Variants in CSMD3 observed in about 807,000 individuals in gnomAD.
CSMD3 encodes CUB and sushi domain-containing protein 3.
A neutral mutation model predicts 435.2 loss-of-function variants in CSMD3; 177 were observed. The observed-to-expected ratio is 0.41, with a 90% CI of 0.36 to 0.46. The LOEUF (loss-of-function observed/expected upper bound fraction) is 0.46. Among genes scored for constraint, CSMD3 ranks in the 20% least tolerant of loss-of-function variants. The pLI is 0.34. For synonymous variants in CSMD3, 1,656 were observed against 1,520.5 expected (o/e 1.09, Z -2.07); for missense variants, 4,265 against 4,504.6 (o/e 0.95, Z 1.52).
At chr8:113,019,288 T>C in intron 5 of CSMD3, 109 bp from the exon 6 acceptor site, 4 of 739,540 alleles carry the variant, frequency 5.4e-6, no homozygotes, top group East Asian at 2.6e-5. Flanking sequence ...GACTTTGCAC[T>C]GTCAACTTTT....
chr8:112,716,933 G>T (rs887204574), intron 13 of CSMD3, among the ~76,000 whole-genome samples: 2 of 152,070 alleles, frequency 1.3e-5, no homozygotes, highest in African/African-American at 2.4e-5. Flanking sequence ...ACTTAAGATG[G>T]ATTAAAGACT....
chr8:113,341,568 G>A (rs2094118922), intron 1 of CSMD3, among the ~76,000 whole-genome samples: 1 of 152,002 alleles, frequency 6.6e-6, no homozygotes, highest in South Asian at 2.1e-4. Context: ...CCATAAACAA[G>A]TAGTTTATAA....
At chr8:112,826,114 C>T (rs903245283) in intron 12 of CSMD3, among the ~76,000 whole-genome samples, 4 of 152,252 alleles carry the variant, frequency 2.6e-5, no homozygotes, top group Admixed American at 1.3e-4. Flanking sequence ...GGCACTCTGG[C>T]CACAGTCTGC....
At chr8:113,317,859 A>T (rs181957646) in intron 1 of CSMD3, among the ~76,000 whole-genome samples, 35 of 152,094 alleles carry the variant, frequency 2.3e-4, no homozygotes, top group Middle Eastern at 6.8e-3. Flanking sequence ...TATCTATTTT[A>T]AAAAAATCAC....
At chr8:112,924,756 G>A (rs1278693999) in intron 9 of CSMD3, among the ~76,000 whole-genome samples, 2 of 151,944 alleles carry the variant, frequency 1.3e-5, no homozygotes, top group East Asian at 1.9e-4. Flanking sequence ...TAATACACTG[G>A]GAAAAGTAGT....
chr8:112,772,886 T>C (rs759626903), intron 13 of CSMD3, among the ~76,000 whole-genome samples: 2 of 152,070 alleles, frequency 1.3e-5, no homozygotes, highest in Non-Finnish European at 2.9e-5. Context: ...TTTGTTCACA[T>C]GTTTACCTGC....
intron 61 of CSMD3, among the ~76,000 whole-genome samples, chr8:112,256,910 T>C (rs985683159): frequency 3.3e-5 from 5 of 152,120 alleles, no homozygotes; most frequent in Non-Finnish European, 7.4e-5. Context: ...GTACAAGAGA[T>C]CGACCACAAC....
At chr8:113,120,522 A>G (rs1315893849) in intron 4 of CSMD3, among the ~76,000 whole-genome samples, 1 of 152,230 alleles carries the variant, frequency 6.6e-6, no homozygotes, top group Non-Finnish European at 1.5e-5. Context: ...GATTTATGCT[A>G]CAAATAAAAG....
intron 2 of CSMD3, among the ~76,000 whole-genome samples, chr8:113,301,419 T>C (rs929418631): frequency 3.3e-5 from 5 of 152,130 alleles, no homozygotes; most frequent in Admixed American, 2.0e-4. Context: ...AACTGTTTTA[T>C]ATATTTTCAT....
chr8:112,461,404 A>G (rs898830074), intron 32 of CSMD3, among the ~76,000 whole-genome samples: 1 of 152,152 alleles, frequency 6.6e-6, no homozygotes, highest in African/African-American at 2.4e-5. Context: ...AAAGTAATGC[A>G]TCTATATTAA....
intron 3 of CSMD3, among the ~76,000 whole-genome samples, chr8:113,259,892 C>G (rs1312565955): frequency 6.6e-6 from 1 of 151,932 alleles, no homozygotes; most frequent in Non-Finnish European, 1.5e-5. Context: ...TCCCATAATC[C>G]CCATGTGTGG....
At chr8:112,859,808 T>C (rs1204706154) in intron 10 of CSMD3, among the ~76,000 whole-genome samples, 8 of 151,728 alleles carry the variant, frequency 5.3e-5, no homozygotes, top group Admixed American at 5.3e-4. Flanking sequence ...AAGTTGAAAG[T>C]TGTAGCATTT....
chr8:112,927,056 A>C (rs971532737), intron 9 of CSMD3, among the ~76,000 whole-genome samples: 1 of 152,174 alleles, frequency 6.6e-6, no homozygotes, highest in Non-Finnish European at 1.5e-5. Flanking sequence ...AAACGTCAAG[A>C]AAATAACTAT....
chr8:112,890,579 C>T (rs1297641300), intron 10 of CSMD3, among the ~76,000 whole-genome samples: 4 of 151,640 alleles, frequency 2.6e-5, no homozygotes, highest in Admixed American at 2.6e-4. Context: ...TCCTTAACTA[C>T]CTGGGAATTC....
chr8:112,894,100 A>C (rs1366498440), intron 10 of CSMD3, among the ~76,000 whole-genome samples: 2 of 151,452 alleles, frequency 1.3e-5, no homozygotes, highest in Non-Finnish European at 3.0e-5. Flanking sequence ...TGTAATATCA[A>C]ACTTGGGTTT....
At chr8:113,127,482 A>G (rs1564345196) in intron 4 of CSMD3, among the ~76,000 whole-genome samples, 1 of 151,968 alleles carries the variant, frequency 6.6e-6, no homozygotes, top group Non-Finnish European at 1.5e-5. Context: ...TGTTGCTCCA[A>G]GAAAAACCCT....
At chr8:112,549,123 C>G (rs1827451010) in intron 27 of CSMD3, among the ~76,000 whole-genome samples, 1 of 151,866 alleles carries the variant, frequency 6.6e-6, no homozygotes, top group Admixed American at 6.6e-5. Flanking sequence ...TATTTAATTG[C>G]AATAACAATT....
chr8:113,076,963 G>A (rs952630131), intron 5 of CSMD3, among the ~76,000 whole-genome samples: 1 of 152,106 alleles, frequency 6.6e-6, no homozygotes, highest in African/African-American at 2.4e-5. Flanking sequence ...GGAGAAGGTT[G>A]CCAGGTATTA....
intron 11 of CSMD3, among the ~76,000 whole-genome samples, chr8:112,836,251 G>T (rs1394710001): frequency 6.6e-6 from 1 of 151,830 alleles, no homozygotes; most frequent in Admixed American, 6.6e-5. Flanking sequence ...AGAAAAATGG[G>T]TCTGGAGAGG....
Sources: gnomAD v4.1 joint callset for allele counts (sites outside exome capture counted in the v4.1 genomes callset) on GRCh38, gnomAD v4.1.1 for gene constraint, MANE v1.5 for transcripts, NCBI Gene and HGNC (gene_info 2026-07-23, HGNC 2026-07-21) for gene names.